Variants in RPS27L observed in about 807,000 individuals in gnomAD.
The protein encoded by RPS27L is ribosomal protein eS27-like.
Under a neutral mutation model 12.8 loss-of-function variants are expected in RPS27L, and 10 were observed. The observed-to-expected ratio is 0.78, with a 90% CI of 0.48 to 1.33. The LOEUF (loss-of-function observed/expected upper bound fraction) is 1.33. RPS27L is among the 40% of genes most tolerant of loss of function. RPS27L has a pLI of 0.00. For missense variants in RPS27L, 81 were observed against 97.4 expected, an observed-to-expected ratio of 0.83 and a Z score of 0.71; for synonymous variants, 26 against 32.3, an observed-to-expected ratio of 0.81 and a Z score of 0.66.
At chr15:63,155,325 G>C (rs2037325165) in intron 3 of RPS27L, 3 of 354,844 alleles carry the variant, frequency 8.5e-6, no homozygotes, top group South Asian at 1.5e-4. Context: ...AAATAAATCT[G>C]CATGTCCTAT....
rs1334352023 is a variant in RPS27L at position 63,157,449 on chromosome 15, A to G, written c.-44T>C. 4 of 1,612,576 alleles carry G rather than the reference A, an allele frequency of 2.5e-6. No individual in the cohort carries two copies. Among genetic ancestry groups the G allele is most frequent in the Non-Finnish European group, 3.4e-6 (4 of 1,178,676 alleles). On this transcript the variant is annotated 5_prime_UTR_variant, in exon 1 of 4. Coordinates refer to ENST00000330964, the MANE Select transcript of RPS27L (RefSeq NM_015920.4). ...TCAGCCCTACCAGACCTCCCAGCCC[A>G]CACAGCTAGCAAGCTGCAAGCGATC...
chr15:63,157,430 C>CG lies in RPS27L; in HGVS notation c.-26_-25insC. On this transcript the variant is annotated 5_prime_UTR_variant, in exon 1 of 4. Coordinates refer to ENST00000330964, the MANE Select transcript of RPS27L (RefSeq NM_015920.4). Reference sequence around the variant, plus strand: ...TGTTGATCCTCTTGCAAGCTCAGCCCTACCAGACCTCCCAGCCCACACAGC... The same window carrying CG: ...TGTTGATCCTCTTGCAAGCTCAGCCCGTACCAGACCTCCCAGCCCACACAGC... 1 of 1,614,014 alleles carries CG rather than the reference C, an allele frequency of 6.2e-7. No individual in the cohort carries two copies. Among genetic ancestry groups the CG allele is most frequent in the Non-Finnish European group, 8.5e-7 (1 of 1,179,866 alleles).
At chr15:63,155,953 A>G (rs555663208) in intron 2 of RPS27L, among the ~76,000 whole-genome samples, 14 of 152,332 alleles carry the variant, frequency 9.2e-5, no homozygotes, top group Admixed American at 3.3e-4. Flanking sequence ...TATCATTTCA[A>G]CATGTAATCA....
chr15:63,155,712 C>G lies in RPS27L; in HGVS notation c.135G>C (p.Thr45=). 2.0e-6 allele frequency: 3 copies of G among 1,506,624 alleles called. No homozygotes were observed. Among genetic ancestry groups the G allele is most frequent in the South Asian group, 1.3e-5 (1 of 76,470 alleles). The allele number at this position is 1,506,624 out of a possible 1,614,324, so 93.3% of individuals were successfully genotyped here. Reference sequence around the variant, plus strand: ...CCACTGTCTGAGCATGGCTGAAAACCGTGGTGATCTTGTAGCAACCTAAAA... The same window carrying G: ...CCACTGTCTGAGCATGGCTGAAAACGGTGGTGATCTTGTAGCAACCTAAAA... The part of the protein sequence containing the change: ...VKCPGCYKIT[T]VFSHAQTVVL... The change falls in exon 3 of 4, where the codon ACG becomes ACC. Residue 45 remains threonine, a synonymous_variant. Transcript: ENST00000330964.
Position 63,157,464 on chromosome 15 carries a change from T to C in RPS27L, c.-59A>G. 6.2e-7 allele frequency: 1 copy of C among 1,606,726 alleles called. No homozygotes were observed. The highest frequency in any genetic ancestry group is 2.2e-5 in the East Asian group (1 of 44,838). ...CTCCCAGCCCACACAGCTAGCAAGC[T>C]GCAAGCGATCTGCGCTCGGCATCAA... On this transcript the variant is annotated 5_prime_UTR_variant, in exon 1 of 4. Coordinates refer to ENST00000330964, the MANE Select transcript of RPS27L (RefSeq NM_015920.4).
At position 63,153,780 on chromosome 15, in the gene RPS27L, C is replaced by G. The variant is rs1013139899; in HGVS notation, c.*252G>C. On this transcript the variant is annotated 3_prime_UTR_variant, in exon 4 of 4. Coordinates refer to ENST00000330964, the MANE Select transcript of RPS27L (RefSeq NM_015920.4). ...CAGAATAAATTTTAAAATGTTTAAA[C>G]CAAATTCATATACACCATATATATA... 2 of 389,798 alleles carry G rather than the reference C, an allele frequency of 5.1e-6. No homozygotes were observed. Among genetic ancestry groups the G allele is most frequent in the Non-Finnish European group, 8.9e-6 (2 of 223,470 alleles). The allele number at this position is 389,798 out of a possible 1,614,324, so 24.1% of individuals were successfully genotyped here.
At chr15:63,156,165 T>C (rs1002722380) in intron 2 of RPS27L, among the ~76,000 whole-genome samples, 2 of 152,202 alleles carry the variant, frequency 1.3e-5, no homozygotes, top group African/African-American at 2.4e-5. Flanking sequence ...AGAAAACTCA[T>C]CGTCTGAAGA....
At chr15:63,156,609 G>C in intron 1 of RPS27L, 88 bp from the exon 2 acceptor site, 1 of 812,514 alleles carries the variant, frequency 1.2e-6, no homozygotes, top group Non-Finnish European at 2.1e-6. Flanking sequence ...GCAAAAACAG[G>C]AATAACGGTC....
At chr15:63,156,567 C>G in intron 1 of RPS27L, 46 bp from the exon 2 acceptor site, 2 of 1,183,816 alleles carry the variant, frequency 1.7e-6, no homozygotes, top group Non-Finnish European at 2.5e-6. Flanking sequence ...AACCACAACG[C>G]TGGCACATTT....
At chr15:63,157,313 C>T in intron 1 of RPS27L, 87 bp downstream of exon 1, 1 of 1,435,954 alleles carries the variant, frequency 7.0e-7, no homozygotes, top group Non-Finnish European at 9.8e-7. Flanking sequence ...ACACTACAGG[C>T]CCGAGAGGCA....
rs1423514321 is a variant in RPS27L, at chr15:63,153,961, A to G, written c.*71T>C. ...TACATTATCTTGGTAAATTAATTAG[A>G]ATTATGGAATTTATGATAAGGCTTT... On this transcript the variant is annotated 3_prime_UTR_variant, in exon 4 of 4. Transcript: ENST00000330964. 70 of 1,241,094 alleles carry G rather than the reference A, an allele frequency of 5.6e-5. No individual in the cohort carries two copies. Among genetic ancestry groups the G allele is most frequent in the Admixed American group, 2.1e-4 (12 of 56,836 alleles). The allele number at this position is 1,241,094 out of a possible 1,614,324, so 76.9% of individuals were successfully genotyped here. A position where few individuals can be genotyped will look rare whatever the true frequency, so the allele number is the denominator to read the frequency against.
chr15:63,157,059 G>C, intron 1 of RPS27L: 1 of 405,810 alleles, frequency 2.5e-6, no homozygotes, highest in Non-Finnish European at 4.4e-6. Flanking sequence ...AAAGAAGGCA[G>C]AGGGGGCGAG....
Position 63,152,215 on chromosome 15 carries a change from G to C in RPS27L, c.*1817C>G, listed in dbSNP as rs2037304442. 2 of 152,264 alleles carry C rather than the reference G, an allele frequency of 1.3e-5. No individual in the cohort carries two copies. Among genetic ancestry groups the C allele is most frequent in the Admixed American group, 1.3e-4 (2 of 15,288 alleles). 9.4% of individuals were successfully genotyped at this position (152,264 alleles called of 1,614,324 possible). The stretch of plus-strand genomic sequence containing the variant: ...GCTTGCTTGAGCCCAGGAGTTTGAG[G>C]TCACAATGAGCTATGACCCTCCAAC... On this transcript the variant is annotated 3_prime_UTR_variant, in exon 4 of 4. Transcript: ENST00000330964.
chr15:63,157,069 G>C (rs2037337048), intron 1 of RPS27L: 1 of 422,522 alleles, frequency 2.4e-6, no homozygotes, highest in Non-Finnish European at 4.2e-6. Context: ...GAGGGGGCGA[G>C]AAACACCAAT....
In RPS27L at chr15:63,149,770, G is replaced by A. The variant is rs1374696227; in HGVS notation, c.*4262C>T. ...ACATAGCAAAATGGATTTTGCAGAT[G>A]TCATTAAGAATACTTTATTTGGCCG... On this transcript the variant is annotated 3_prime_UTR_variant, in exon 4 of 4. Coordinates refer to ENST00000330964, the MANE Select transcript of RPS27L (RefSeq NM_015920.4). 1 of 152,042 alleles carries A rather than the reference G, an allele frequency of 6.6e-6. No homozygotes were observed. Among genetic ancestry groups the A allele is most frequent in the African/African-American group, 2.4e-5 (1 of 41,410 alleles). The allele number at this position is 152,042 out of a possible 1,614,324, so 9.4% of individuals were successfully genotyped here. A position where few individuals can be genotyped will look rare whatever the true frequency, so the allele number is the denominator to read the frequency against.
Position 63,152,746 on chromosome 15 carries a change from CA to C in RPS27L, c.*1285del, listed in dbSNP as rs1566997078. 6.6e-6 allele frequency: 1 copy of C among 152,140 alleles called. No individual in the cohort carries two copies. The highest frequency in any genetic ancestry group is 1.5e-5 in the Non-Finnish European group (1 of 68,060). 9.4% of individuals were successfully genotyped at this position (152,140 alleles called of 1,614,324 possible). A position where few individuals can be genotyped will look rare whatever the true frequency, so the allele number is the denominator to read the frequency against. On this transcript the variant is annotated 3_prime_UTR_variant, in exon 4 of 4. Coordinates refer to ENST00000330964, the MANE Select transcript of RPS27L (RefSeq NM_015920.4). ...CCGACCTCAGGTGATCCACCTGCCTCAGGCTCCCAAAGTGCTGGGATTACAG... is the reference window on the plus strand; with the variant it reads ...CCGACCTCAGGTGATCCACCTGCCTCGGCTCCCAAAGTGCTGGGATTACAG...
intron 1 of RPS27L, 69 bp from the exon 2 acceptor site, chr15:63,156,590 A>C (rs1213268614): frequency 1.1e-6 from 1 of 926,990 alleles, no homozygotes; most frequent in Non-Finnish European, 1.7e-6. Context: ...CCATACGTGA[A>C]ATATACATGC....
At position 63,157,475 on chromosome 15, in the gene RPS27L, T is replaced by C. The variant is rs1004742087; in HGVS notation, c.-70A>G. On this transcript the variant is annotated 5_prime_UTR_variant, in exon 1 of 4. Coordinates refer to ENST00000330964, the MANE Select transcript of RPS27L (RefSeq NM_015920.4). ...CACAGCTAGCAAGCTGCAAGCGATC[T>C]GCGCTCGGCATCAACTTCCGGGATA... The C allele has an allele frequency of 2.5e-6, 4 of 1,586,478 alleles. No individual in the cohort carries two copies. The South Asian group carries it at 3.3e-5, about 13-fold the overall frequency.
rs2037305575 is a variant in RPS27L, at chr15:63,152,389, C to A, written c.*1643G>T. 1 of 151,358 alleles carries A rather than the reference C, an allele frequency of 6.6e-6. No individual in the cohort carries two copies. 9.4% of individuals were successfully genotyped at this position (151,358 alleles called of 1,614,324 possible). A position where few individuals can be genotyped will look rare whatever the true frequency, so the allele number is the denominator to read the frequency against. On this transcript the variant is annotated 3_prime_UTR_variant, in exon 4 of 4. Coordinates refer to ENST00000330964, the MANE Select transcript of RPS27L (RefSeq NM_015920.4). The stretch of plus-strand genomic sequence containing the variant: ...GTAACTGTTAGGTATTTCTTTTGGC[C>A]AAGGAATGGCCTGAAAAAAATTACT...
Sources: gnomAD v4.1 joint callset for allele counts (sites outside exome capture counted in the v4.1 genomes callset) on GRCh38, gnomAD v4.1.1 for gene constraint, MANE v1.5 for transcripts, NCBI Gene and HGNC (gene_info 2026-07-23, HGNC 2026-07-21) for gene names.